Variants in NRXN3 observed in about 807,000 individuals in gnomAD.
NRXN3 encodes the protein neurexin III.
Under a neutral mutation model 137.6 loss-of-function variants are expected in NRXN3, and 32 were observed. The observed-to-expected ratio is 0.23, with a 90% CI of 0.18 to 0.31. NRXN3 has a LOEUF of 0.31. Ranked by LOEUF, NRXN3 falls within the 10% of genes least tolerant of loss-of-function variation. The probability of loss-of-function intolerance (pLI) is 1.00; values close to 1 mark genes in which losing one functional copy is unlikely to be tolerated. For missense variants in NRXN3, 1,574 were observed against 2,062.5 expected (o/e 0.76, Z 4.59); for synonymous variants, 798 against 784.5 (o/e 1.02, Z -0.29).
At chr14:79,769,890 A>G (rs1417790133) in intron 19 of NRXN3, among the ~76,000 whole-genome samples, 1 of 152,230 alleles carries the variant, frequency 6.6e-6, no homozygotes, top group African/African-American at 2.4e-5. Flanking sequence ...TCTCACATGC[A>G]GAGACACACA....
At chr14:79,086,038 G>A (rs189282629) in intron 15 of NRXN3, among the ~76,000 whole-genome samples, 7 of 152,234 alleles carry the variant, frequency 4.6e-5, no homozygotes, top group East Asian at 3.9e-4. Context: ...AAGCTGCAGC[G>A]CTTCTAGATT....
rs1407978600 is a variant in NRXN3, at chr14:79,517,103, CT to C, written c.3444+49702del. ...TACACAAATGTACAGCCCCCCCCCCCTCAACGAATGGGAGCGCTTCCCCACA... is the reference window on the plus strand; with the variant it reads ...TACACAAATGTACAGCCCCCCCCCCCCAACGAATGGGAGCGCTTCCCCACA... On this transcript the variant is annotated intron_variant, in intron 16 of 20. Coordinates refer to ENST00000335750, the MANE Select transcript of NRXN3 (RefSeq NM_001330195.2). Among the ~76,000 whole-genome samples the C allele has an allele frequency of 1.3e-3, 197 of 150,190 alleles. 1 individual carries two copies. Among genetic ancestry groups the C allele is most frequent in the African/African-American group, 4.1e-3 (165 of 40,444 alleles).
intron 2 of NRXN3, among the ~76,000 whole-genome samples, chr14:78,272,831 A>G (rs1375440355): frequency 1.3e-5 from 2 of 152,134 alleles, no homozygotes; most frequent in African/African-American, 4.8e-5. Context: ...TACCGTTTCT[A>G]CCTGTTAGGG....
chr14:78,709,003 T>C (rs879494487), intron 6 of NRXN3, among the ~76,000 whole-genome samples: 1 of 152,186 alleles, frequency 6.6e-6, no homozygotes, highest in Non-Finnish European at 1.5e-5. Flanking sequence ...CAAAAGAAAT[T>C]CTGTAGAAAT....
chr14:78,903,491 G>A (rs1430341628), intron 10 of NRXN3, among the ~76,000 whole-genome samples: 5 of 151,982 alleles, frequency 3.3e-5, no homozygotes, highest in Admixed American at 6.6e-5. Flanking sequence ...GTGCAGGTGC[G>A]TAAGACATAT....
intron 20 of NRXN3, among the ~76,000 whole-genome samples, chr14:79,857,465 G>T (rs956825753): frequency 1.3e-5 from 2 of 151,906 alleles, no homozygotes; most frequent in African/African-American, 4.8e-5. Context: ...CTCATGATCC[G>T]CCTGCCTCGG....
intron 15 of NRXN3, among the ~76,000 whole-genome samples, chr14:79,344,371 T>C (rs2092764611): frequency 6.6e-6 from 1 of 152,100 alleles, no homozygotes; most frequent in Non-Finnish European, 1.5e-5. Flanking sequence ...GTTAATAAGA[T>C]CCATATATTT....
intron 15 of NRXN3, among the ~76,000 whole-genome samples, chr14:79,379,835 C>T (rs1244857264): frequency 6.6e-6 from 1 of 151,614 alleles, no homozygotes; most frequent in Non-Finnish European, 1.5e-5. Context: ...CAATAAAAGC[C>T]TTTTTAAAAA....
chr14:78,831,555 A>AC (rs1567447528), intron 10 of NRXN3, among the ~76,000 whole-genome samples: 1 of 151,154 alleles, frequency 6.6e-6, no homozygotes, highest in African/African-American at 2.4e-5. Context: ...AAAAAAAAAA[A>AC]AAAAAACAAC....
In NRXN3 at chr14:79,000,263, C is replaced by T. The variant is rs879323641; in HGVS notation, c.3262+12122C>T. 1.4e-3 allele frequency among the ~76,000 whole-genome samples: 212 copies of T among 152,248 alleles called. 1 individual carries two copies. Among genetic ancestry groups the T allele is most frequent in the African/African-American group, 4.6e-3 (190 of 41,546 alleles). ...GAAATCAAATGCATGTATGTGCATA[C>T]ATATGTAATATAAATAAATATAAGT... On this transcript the variant is annotated intron_variant, in intron 15 of 20. Transcript: ENST00000335750.
Position 78,542,430 on chromosome 14 carries a change from C to T in NRXN3, c.758-102690C>T, listed in dbSNP as rs1254489607. ...CTCCCCCAGCCAGGCTGCCACCTTG[C>T]AGTTCAATCTCAGACTGTTGCGCTA... On this transcript the variant is annotated intron_variant, in intron 4 of 20. Transcript: ENST00000335750. Among the ~76,000 whole-genome samples the T allele has an allele frequency of 3.9e-5, 6 of 152,352 alleles. No individual in the cohort carries two copies. In the East Asian group the frequency reaches 1.2e-3, roughly 29 times the overall value.
intron 6 of NRXN3, chr14:78,695,337 T>C (rs180743681): frequency 3.4e-4 from 51 of 152,194 alleles, no homozygotes; most frequent in African/African-American, 1.1e-3. Flanking sequence ...GGATATATCT[T>C]TGGGGAACAT....
At chr14:79,473,867 G>A (rs902782882) in intron 16 of NRXN3, among the ~76,000 whole-genome samples, 2 of 152,152 alleles carry the variant, frequency 1.3e-5, no homozygotes, top group African/African-American at 4.8e-5. Flanking sequence ...GCTTAGCCAT[G>A]CTATCCCAGC....
At chr14:79,818,305 G>A (rs1006950032) in intron 20 of NRXN3, among the ~76,000 whole-genome samples, 3 of 151,904 alleles carry the variant, frequency 2.0e-5, no homozygotes, top group Non-Finnish European at 4.4e-5. Flanking sequence ...CGCCCGCCTC[G>A]GCCTCCCAAA....
At position 79,646,125 on chromosome 14, in the gene NRXN3, A is replaced by C. The variant is rs189832265; in HGVS notation, c.3445-17653A>C. On this transcript the variant is annotated intron_variant, in intron 16 of 20. Transcript: ENST00000335750. ...GACAGCTGACAGGCAACTCTGCCTG[A>C]ACAAGTAGCATCTCCAAAATGACAT... Among the ~76,000 whole-genome samples the C allele has an allele frequency of 9.0e-4, 123 of 136,088 alleles. 9 individuals carry two copies. The highest frequency in any genetic ancestry group is 2.8e-3 in the African/African-American group (114 of 40,908). 89.3% of individuals were successfully genotyped at this position (136,088 alleles called of 152,430 possible). A position where few individuals can be genotyped will look rare whatever the true frequency, so the allele number is the denominator to read the frequency against.
intron 15 of NRXN3, among the ~76,000 whole-genome samples, chr14:79,162,218 T>C (rs1446215211): frequency 2.6e-5 from 4 of 151,470 alleles, no homozygotes; most frequent in Non-Finnish European, 1.5e-5. Context: ...TGTATACATG[T>C]GCCATGCTGG....
chr14:78,948,310 A>G (rs954247049), intron 10 of NRXN3, among the ~76,000 whole-genome samples: 1 of 152,210 alleles, frequency 6.6e-6, no homozygotes, highest in Non-Finnish European at 1.5e-5. Context: ...GTATTTATTC[A>G]TTGGCTCCCT....
At chr14:79,703,372 G>A (rs569049871) in intron 19 of NRXN3, among the ~76,000 whole-genome samples, 13 of 152,250 alleles carry the variant, frequency 8.5e-5, no homozygotes, top group South Asian at 2.1e-4. Flanking sequence ...TTCATCCTGC[G>A]CAACGTCTGT....
At chr14:78,235,587 GT>G (rs35255960) in intron 1 of NRXN3, among the ~76,000 whole-genome samples, 19,381 of 147,230 alleles carry the variant, frequency 0.13, 1,262 homozygotes, top group Non-Finnish European at 0.14. Context: ...GGAAAACTTA[GT>G]TTTTAGTAAA....
Sources: gnomAD v4.1 joint callset for allele counts (sites outside exome capture counted in the v4.1 genomes callset) on GRCh38, gnomAD v4.1.1 for gene constraint, MANE v1.5 for transcripts, NCBI Gene and HGNC (gene_info 2026-07-23, HGNC 2026-07-21) for gene names.